Variants in PDIA5 observed in about 807,000 individuals in gnomAD.
PDIA5 encodes the protein protein disulfide-isomerase A5.
In PDIA5, 58 loss-of-function variants were observed where a neutral mutation model predicts 77.6. The ratio of observed to expected loss-of-function variants is 0.75; its 90% CI spans 0.61 to 0.93. PDIA5 has a LOEUF of 0.93. Ranked by LOEUF, PDIA5 falls within the 40% of genes least tolerant of loss-of-function variation. PDIA5 has a pLI of 0.00. For missense variants in PDIA5, 630 were observed against 647.7 expected, an observed-to-expected ratio of 0.97 and a Z score of 0.30; for synonymous variants, 250 against 252.1, an observed-to-expected ratio of 0.99 and a Z score of 0.08.
intron 3 of PDIA5, among the ~76,000 whole-genome samples, chr3:123,093,560 T>C (rs1366825541): frequency 1.3e-5 from 2 of 152,150 alleles, no homozygotes; most frequent in East Asian, 3.8e-4. Flanking sequence ...GTGGCAGAAA[T>C]GGGCAGAGGA....
chr3:123,089,405 G>A (rs946405220), intron 2 of PDIA5, 111 bp downstream of exon 2: 2 of 1,014,484 alleles, frequency 2.0e-6, no homozygotes, highest in East Asian at 2.4e-5. Context: ...GAGGGTCCAA[G>A]GGACATGGGG....
Position 123,146,193 on chromosome 3 carries a change from A to G in PDIA5, c.1076A>G (p.Lys359Arg). Residue 359 changes from lysine to arginine, a missense_variant, in exon 13 of 17, where the codon AAG becomes AGG. By Grantham distance (26) the Lys-to-Arg change is conservative. Coordinates refer to ENST00000316218, the MANE Select transcript of PDIA5 (RefSeq NM_006810.4). ...GAGTTTCCTACGTTGAAGTATTTTA[A>G]GAATGGAGAGAAATACGCAGTGCCT... is the stretch of plus-strand genomic sequence containing the variant. ...ISEFPTLKYF[K>R]NGEKYAVPVL... 6.2e-7 allele frequency: 1 copy of G among 1,614,040 alleles called. No individual in the cohort carries two copies. Among genetic ancestry groups the G allele is most frequent in the African/African-American group, 1.3e-5 (1 of 75,062 alleles).
chr3:123,068,518 G>A (rs1933639614), intron 1 of PDIA5, among the ~76,000 whole-genome samples: 1 of 152,194 alleles, frequency 6.6e-6, no homozygotes, highest in African/African-American at 2.4e-5. Flanking sequence ...GAGCCAGTTG[G>A]TCTGGGCGGG....
chr3:123,087,121 G>A (rs1038830052), intron 1 of PDIA5, among the ~76,000 whole-genome samples: 3 of 152,132 alleles, frequency 2.0e-5, no homozygotes, highest in African/African-American at 7.2e-5. Flanking sequence ...ATGATGCTGG[G>A]CCCTGCCAAC....
intron 3 of PDIA5, among the ~76,000 whole-genome samples, chr3:123,095,749 CAAA>C (rs61654925): frequency 1.5e-4 from 13 of 86,674 alleles, no homozygotes; most frequent in African/African-American, 3.9e-5. Context: ...AACTCTGTCT[CAAA>C]AAAAAAAAAA....
chr3:123,076,246 C>T lies in PDIA5; in HGVS notation c.42+9040C>T, dbSNP rs192686003. Among the ~76,000 whole-genome samples the T allele has an allele frequency of 5.9e-5, 9 of 152,186 alleles. No individual in the cohort carries two copies. The South Asian group carries it at 1.2e-3, about 21-fold the overall frequency. On this transcript the variant is annotated intron_variant, in intron 1 of 16. Coordinates refer to ENST00000316218, the MANE Select transcript of PDIA5 (RefSeq NM_006810.4). ...GAGAAAAGCATCAGATCTGTCCTGG[C>T]GGGGACCTGGCTCTACTGTTTTAGG... is the stretch of plus-strand genomic sequence containing the variant.
At chr3:123,085,793 G>A (rs771316189) in intron 1 of PDIA5, among the ~76,000 whole-genome samples, 16 of 152,208 alleles carry the variant, frequency 1.1e-4, no homozygotes, top group Non-Finnish European at 2.2e-4. Flanking sequence ...AAGAGCAGTT[G>A]TTGCTCTCCG....
chr3:123,071,718 G>T (rs937017975), intron 1 of PDIA5, among the ~76,000 whole-genome samples: 1 of 152,164 alleles, frequency 6.6e-6, no homozygotes, highest in South Asian at 2.1e-4. Flanking sequence ...ATCAGAGAAG[G>T]CCCCAGGAAA....
At chr3:123,107,794 A>T (rs1934771296) in intron 6 of PDIA5, among the ~76,000 whole-genome samples, 1 of 152,046 alleles carries the variant, frequency 6.6e-6, no homozygotes, top group African/African-American at 2.4e-5. Flanking sequence ...TTCCTTTAAA[A>T]TTGTTGACTT....
Position 123,155,046 on chromosome 3 carries a change from G to A in PDIA5, c.1344+5G>A, listed in dbSNP as rs1192872979. On this transcript the variant is annotated splice_donor_5th_base_variant and intron_variant, in intron 15 of 16. Transcript: ENST00000316218. ...GCCTTCAAAGATGACCGAAAGGTAA[G>A]GACAGCGCTCTTCATCTCTTGATCT... 6.3e-7 allele frequency: 1 copy of A among 1,594,334 alleles called. No homozygotes were observed. The highest frequency in any genetic ancestry group is 2.2e-5 in the East Asian group (1 of 44,794).
intron 14 of PDIA5, among the ~76,000 whole-genome samples, chr3:123,152,122 T>TGCC: frequency 1.4e-5 from 2 of 144,708 alleles, no homozygotes; most frequent in Non-Finnish European, 3.0e-5. Context: ...CCTTCCTTCC[T>TGCC]TCCTGCCTTC....
chr3:123,067,054 G>T lies in PDIA5; in HGVS notation c.-111G>T, dbSNP rs1238072743. 2.1e-5 allele frequency: 19 copies of T among 908,084 alleles called. No homozygotes were observed. The highest frequency in any genetic ancestry group is 2.0e-4 in the East Asian group (6 of 30,292). 56.3% of individuals were successfully genotyped at this position (908,084 alleles called of 1,614,324 possible). On this transcript the variant is annotated 5_prime_UTR_variant, in exon 1 of 17. Coordinates refer to ENST00000316218, the MANE Select transcript of PDIA5 (RefSeq NM_006810.4). ...GTGGCACCGGGAACTCGGAGGCGGG[G>T]AGCGGCTGGGAAGTGGCCGTGGTGG...
chr3:123,144,566 T>C (rs189306433), intron 11 of PDIA5: 2 of 152,354 alleles, frequency 1.3e-5, no homozygotes, highest in African/African-American at 4.8e-5. Flanking sequence ...TCTGACATCT[T>C]ACTGTGTTCA....
chr3:123,089,063 T>A, intron 1 of PDIA5, 105 bp from the exon 2 acceptor site: 1 of 1,127,492 alleles, frequency 8.9e-7, no homozygotes, highest in Non-Finnish European at 1.3e-6. Flanking sequence ...TTTGCCCTCA[T>A]CCTCTGGAAG....
chr3:123,148,979 C>T (rs1449458953), intron 13 of PDIA5, among the ~76,000 whole-genome samples: 2 of 152,166 alleles, frequency 1.3e-5, no homozygotes, highest in Non-Finnish European at 2.9e-5. Context: ...ATGCGCCTGC[C>T]AGCAGGCCAG....
chr3:123,117,857 G>A (rs1034762094), intron 8 of PDIA5, among the ~76,000 whole-genome samples: 2 of 152,020 alleles, frequency 1.3e-5, no homozygotes, highest in Non-Finnish European at 2.9e-5. Context: ...CACTTACCCC[G>A]AGTAGCAGAA....
Position 123,124,130 on chromosome 3 carries a change from G to A in PDIA5, c.674G>A (p.Arg225His), listed in dbSNP as rs760170969. The A allele has an allele frequency of 7.4e-6, 12 of 1,613,826 alleles. No individual in the cohort carries two copies. Among genetic ancestry groups the A allele is most frequent in the Non-Finnish European group, 9.3e-6 (11 of 1,179,848 alleles). ...FENIKEEYSV[R>H]GFPTICYFEK... ...AACATCAAGGAGGAGTACAGCGTGC[G>A]CGGCTTCCCCACCATCTGCTATTTT... The change falls in exon 9 of 17, where the codon CGC becomes CAC. Residue 225 changes from arginine to histidine, a missense_variant. Transcript: ENST00000316218.
intron 3 of PDIA5, among the ~76,000 whole-genome samples, chr3:123,101,776 G>T (rs1462911035): frequency 2.6e-5 from 4 of 151,936 alleles, no homozygotes; most frequent in Non-Finnish European, 4.4e-5. Flanking sequence ...TTATTTTCTT[G>T]TTACCATGGG....
intron 2 of PDIA5, among the ~76,000 whole-genome samples, chr3:123,090,632 AAG>A (rs746239142): frequency 1.3e-5 from 2 of 152,108 alleles, no homozygotes; most frequent in Non-Finnish European, 2.9e-5. Context: ...GGAGGATGGG[AAG>A]AGAGTATTGA....
Sources: allele counts gnomAD v4.1 joint callset (sites outside exome capture counted in the v4.1 genomes callset), GRCh38; gene constraint gnomAD v4.1.1; transcripts MANE v1.5; gene names NCBI Gene and HGNC (gene_info 2026-07-23, HGNC 2026-07-21).